The following LARGE1 variants were observed in gnomAD, a reference collection of about 807,000 sequenced individuals.
LARGE1 encodes the protein LARGE xylosyl- and glucuronyltransferase 1.
In LARGE1, 43 loss-of-function variants were observed where a neutral mutation model predicts 87.6. The ratio of observed to expected loss-of-function variants is 0.49; its 90% CI spans 0.38 to 0.63. The LOEUF (loss-of-function observed/expected upper bound fraction) is 0.63. Ranked by LOEUF, LARGE1 falls within the 30% of genes least tolerant of loss-of-function variation. The probability of loss-of-function intolerance (pLI) is 0.00; values close to 1 mark genes in which losing one functional copy is unlikely to be tolerated. For synonymous variants in LARGE1, 434 were observed against 394.6 expected (o/e 1.10, Z -1.18); for missense variants, 802 against 1,000.2 (o/e 0.80, Z 2.67).
intron 1 of LARGE1, among the ~76,000 whole-genome samples, chr22:33,793,444 C>G (rs1198477788): frequency 6.6e-6 from 1 of 152,202 alleles, no homozygotes; most frequent in Non-Finnish European, 1.5e-5. Flanking sequence ...CTTCCAACAG[C>G]TCCCCCATGT....
the LARGE1 span, among the ~76,000 whole-genome samples, chr22:33,123,372 G>GT: frequency 0.52 from 79,153 of 151,852 alleles, 20,861 homozygotes; most frequent in South Asian, 0.73. Context: ...GGAAAATGAG[G>GT]TTTTTTTCCT....
chr22:33,505,993 C>T (rs1334602292), intron 6 of LARGE1, among the ~76,000 whole-genome samples: 2 of 152,116 alleles, frequency 1.3e-5, no homozygotes, highest in Admixed American at 1.3e-4. Context: ...ATAGTAGGTG[C>T]CAATGTGCAA....
At chr22:33,508,177 T>C (rs2070855633) in intron 6 of LARGE1, among the ~76,000 whole-genome samples, 1 of 152,192 alleles carries the variant, frequency 6.6e-6, no homozygotes, top group African/African-American at 2.4e-5. Flanking sequence ...AACAACAGAA[T>C]TTCACATAGC....
chr22:33,758,513 C>T (rs1237753976), intron 2 of LARGE1, among the ~76,000 whole-genome samples: 1 of 152,158 alleles, frequency 6.6e-6, no homozygotes, highest in Non-Finnish European at 1.5e-5. Context: ...GATTTGGTCC[C>T]AAGTGTGGGG....
At chr22:33,214,886 G>T (rs1280444914) in intron 11 of LARGE1, among the ~76,000 whole-genome samples, 3 of 152,146 alleles carry the variant, frequency 2.0e-5, no homozygotes, top group Non-Finnish European at 4.4e-5. Flanking sequence ...GCTGAGGAGT[G>T]CTGGGCCAGA....
the LARGE1 span, among the ~76,000 whole-genome samples, chr22:33,091,285 G>A: frequency 5.5e-3 from 837 of 152,294 alleles, 11 homozygotes; most frequent in African/African-American, 0.02. Context: ...CCTTGGGCCA[G>A]GGCAGTGGTT....
intron 2 of LARGE1, among the ~76,000 whole-genome samples, chr22:33,671,527 C>T (rs1205066973): frequency 6.6e-6 from 1 of 152,192 alleles, no homozygotes; most frequent in Non-Finnish European, 1.5e-5. Flanking sequence ...TTAATGTCTC[C>T]TTTCCTGGTT....
At chr22:33,559,475 C>T (rs1390083932) in intron 6 of LARGE1, among the ~76,000 whole-genome samples, 1 of 152,218 alleles carries the variant, frequency 6.6e-6, no homozygotes, top group East Asian at 1.9e-4. Context: ...AGCCACCACA[C>T]CCTGCTGATG....
chr22:33,462,182 T>A (rs892227864), intron 6 of LARGE1, among the ~76,000 whole-genome samples: 7 of 152,054 alleles, frequency 4.6e-5, no homozygotes, highest in Non-Finnish European at 7.4e-5. Flanking sequence ...AAGTAAAAAA[T>A]GACTGGCAGC....
At chr22:33,884,391 G>T (rs1182872014) in intron 1 of LARGE1, among the ~76,000 whole-genome samples, 2 of 152,220 alleles carry the variant, frequency 1.3e-5, no homozygotes, top group Non-Finnish European at 2.9e-5. Context: ...TATCATTCAG[G>T]GTGAGTCAGT....
chr22:33,234,177 C>T lies in LARGE1; in HGVS notation c.1731-67345G>A, dbSNP rs181480140. Among the ~76,000 whole-genome samples, 51 of 152,374 alleles carry T rather than the reference C, an allele frequency of 3.3e-4. 1 individual carries two copies. In the South Asian group the frequency reaches 6.2e-3, roughly 19 times the overall value. On this transcript the variant is annotated intron_variant, in intron 11 of 11. Coordinates refer to the LARGE1 transcript ENST00000608642. ...TCAGGGTCCTAGCAAATGAAGCCTT[C>T]ATCTCACCATGTGCTTGCACAGTGA...
rs546878478 is a variant in LARGE1 at position 33,845,914 on chromosome 22, A to G, written c.-83+74081T>C. Among the ~76,000 whole-genome samples, 15 of 152,334 alleles carry G rather than the reference A, an allele frequency of 9.8e-5. No homozygotes were observed. In the South Asian group the frequency reaches 1.0e-3, roughly 11 times the overall value. On this transcript the variant is annotated intron_variant, in intron 1 of 14. Transcript: ENST00000397394. The stretch of plus-strand genomic sequence containing the variant: ...TTTATTTTTAAATCTCAATTTCATT[A>G]CCACACTAAGAAAAGAACATTAATT...
At chr22:33,303,354 C>T (rs987962397) in intron 12 of LARGE1, among the ~76,000 whole-genome samples, 1 of 152,242 alleles carries the variant, frequency 6.6e-6, no homozygotes. Context: ...TGAGTAACCC[C>T]GGGCCAACGG....
At chr22:33,710,038 T>C (rs907811566) in intron 2 of LARGE1, among the ~76,000 whole-genome samples, 11 of 150,722 alleles carry the variant, frequency 7.3e-5, no homozygotes, top group Admixed American at 6.6e-4. Context: ...CCACTGTCCC[T>C]GTTGTCTATG....
chr22:33,795,657 A>G (rs922079726), intron 1 of LARGE1, among the ~76,000 whole-genome samples: 1 of 152,232 alleles, frequency 6.6e-6, no homozygotes, highest in Non-Finnish European at 1.5e-5. Flanking sequence ...TAGCACACAT[A>G]CACCATGGAA....
At chr22:33,614,659 A>C (rs1287155179) in intron 4 of LARGE1, among the ~76,000 whole-genome samples, 2 of 152,256 alleles carry the variant, frequency 1.3e-5, no homozygotes, top group East Asian at 3.9e-4. Context: ...AACCTTCCAC[A>C]GTCACCCCAT....
chr22:33,259,337 CACACA>C (rs1254224328), intron 11 of LARGE1, among the ~76,000 whole-genome samples: 1 of 149,776 alleles, frequency 6.7e-6, no homozygotes, highest in African/African-American at 2.5e-5. Context: ...CACACACACA[CACACA>C]CACACAAACA....
At chr22:33,510,341 G>T (rs577401429) in intron 6 of LARGE1, among the ~76,000 whole-genome samples, 1 of 152,172 alleles carries the variant, frequency 6.6e-6, no homozygotes, top group Non-Finnish European at 1.5e-5. Context: ...ATAACTATAT[G>T]AGTTAGGAAC....
Position 33,304,369 on chromosome 22 carries a change from G to T in LARGE1, c.1590C>A (p.Gly530=). 6.2e-7 allele frequency: 1 copy of T among 1,614,256 alleles called. No homozygotes were observed. Among genetic ancestry groups the T allele is most frequent in the South Asian group, 1.1e-5 (1 of 91,088 alleles). The change falls in exon 12 of 15, where the codon GGC becomes GGA. Residue 530 remains glycine, a synonymous_variant. Transcript: ENST00000397394. The part of the protein sequence containing the change: ...SEVLMSRHNV[G]YHIVYKEGQF... ...GGCCCTCCTTGTACACGATGTGGTA[G>T]CCCACGTTGTGGCGGCTCATAAGCA...
Sources: gnomAD v4.1 joint callset for allele counts (sites outside exome capture counted in the v4.1 genomes callset) on GRCh38, gnomAD v4.1.1 for gene constraint, MANE v1.5 for transcripts, NCBI Gene and HGNC (gene_info 2026-07-23, HGNC 2026-07-21) for gene names.